Variants in YARS1 observed in about 807,000 individuals in gnomAD.
YARS1 encodes the protein tyrosine--tRNA ligase, cytoplasmic.
In YARS1, 36 loss-of-function variants were observed where a neutral mutation model predicts 62.2. The ratio of observed to expected loss-of-function variants is 0.58; its 90% CI spans 0.44 to 0.76. The LOEUF (loss-of-function observed/expected upper bound fraction) is 0.76. YARS1 is among the 30% of genes least tolerant of loss of function. The probability of loss-of-function intolerance (pLI) is 0.00; values close to 1 mark genes in which losing one functional copy is unlikely to be tolerated. For synonymous variants in YARS1, 234 were observed against 244.9 expected, an observed-to-expected ratio of 0.96 and a Z score of 0.42; for missense variants, 524 against 639.8, an observed-to-expected ratio of 0.82 and a Z score of 1.95.
At position 32,782,742 on chromosome 1, in the gene YARS1, A is replaced by G. The variant is rs1569713462; in HGVS notation, c.907-203T>C. 6.1e-6 allele frequency: 4 copies of G among 652,168 alleles called. No homozygotes were observed. The East Asian group carries it at 1.1e-4, about 18-fold the overall frequency. 40.4% of individuals were successfully genotyped at this position (652,168 alleles called of 1,614,324 possible). On this transcript the variant is annotated intron_variant, in intron 8 of 12. Coordinates refer to ENST00000373477, the MANE Select transcript of YARS1 (RefSeq NM_003680.4). ...TCCAAGTCTTTTGATTCTGAAATCT[A>G]TACTAACTTGAGGGTGTTTAGGAGC...
chr1:32,802,169 G>A (rs768833452), intron 4 of YARS1, among the ~76,000 whole-genome samples: 33 of 151,800 alleles, frequency 2.2e-4, no homozygotes, highest in Non-Finnish European at 3.4e-4. Flanking sequence ...GGATGGTCTC[G>A]ATCTCCTGAC....
At chr1:32,810,071 A>G (rs567310552) in intron 3 of YARS1, among the ~76,000 whole-genome samples, 71 of 149,480 alleles carry the variant, frequency 4.7e-4, no homozygotes, top group African/African-American at 1.6e-3. Context: ...GCGCCATTGC[A>G]CTCCAGCCTG....
At chr1:32,806,751 A>G (rs1638475407) in intron 3 of YARS1, 140 bp from the exon 4 acceptor site, 6 of 1,181,944 alleles carry the variant, frequency 5.1e-6, no homozygotes, top group Non-Finnish European at 7.2e-6. Flanking sequence ...TTTAATCACC[A>G]ACTTTCTTCT....
chr1:32,784,107 C>T (rs571675077), intron 8 of YARS1, among the ~76,000 whole-genome samples: 6 of 151,714 alleles, frequency 4.0e-5, no homozygotes, highest in South Asian at 2.1e-4. Context: ...TGGGCTCAAG[C>T]GATCCTCCCA....
intron 11 of YARS1, 28 bp from the exon 12 acceptor site, chr1:32,779,551 T>G (rs1437166028): frequency 6.2e-7 from 1 of 1,613,754 alleles, no homozygotes; most frequent in Admixed American, 1.7e-5. Context: ...AAGAGAAGAG[T>G]GAGGCTATGG....
rs1653098192 is a variant in YARS1 at position 32,782,631 on chromosome 1, C to T, written c.907-92G>A. The T allele has an allele frequency of 1.8e-5, 28 of 1,547,518 alleles. No homozygotes were observed. The South Asian group carries it at 3.2e-4, about 18-fold the overall frequency. On this transcript the variant is annotated intron_variant, in intron 8 of 12. Transcript: ENST00000373477. The stretch of plus-strand genomic sequence containing the variant: ...AAAGTAGGATCAAGGGAGTTTTTCC[C>T]AACAGTCTTATTTGATCCTTGTGAT...
chr1:32,786,418 C>G lies in YARS1; in HGVS notation c.850G>C (p.Gly284Arg), dbSNP rs1241802045. 1 of 1,613,968 alleles carries G rather than the reference C, an allele frequency of 6.2e-7. No individual in the cohort carries two copies. The highest frequency in any genetic ancestry group is 1.1e-5 in the South Asian group (1 of 91,042). The stretch of plus-strand genomic sequence containing the variant: ...TAAGCTGTGTAGGTTTTGTTTCCAC[C>G]CCATTTCTCATCTCGTAGGATCACA... ...EFVILRDEKW[G>R]GNKTYTAYVD... Residue 284 changes from glycine (G) to arginine (R), a missense_variant, in exon 8 of 13, where the codon GGT becomes CGT. Gly to Arg is a moderately radical substitution (Grantham distance 125, BLOSUM62 -2). Coordinates refer to ENST00000373477, the MANE Select transcript of YARS1 (RefSeq NM_003680.4).
chr1:32,778,412 TTTCA>T (rs1652937691), intron 12 of YARS1, among the ~76,000 whole-genome samples: 1 of 104,366 alleles, frequency 9.6e-6, no homozygotes, highest in South Asian at 3.2e-4. Context: ...TCTTTCTTTC[TTTCA>T]TTTTTTTTTT....
chr1:32,786,284 C>T, intron 8 of YARS1, 78 bp downstream of exon 8: 1 of 1,419,952 alleles, frequency 7.0e-7, no homozygotes, highest in Non-Finnish European at 9.8e-7. Flanking sequence ...ACAAGTTGTT[C>T]TAAACAAGTT....
chr1:32,779,305 T>C (rs1569704556), intron 12 of YARS1, 77 bp downstream of exon 12: 1 of 1,611,674 alleles, frequency 6.2e-7, no homozygotes, highest in Non-Finnish European at 8.5e-7. Flanking sequence ...GGGGCAGCTA[T>C]GGCTTCAGTA....
intron 4 of YARS1, among the ~76,000 whole-genome samples, chr1:32,798,575 G>A (rs976215091): frequency 2.0e-5 from 3 of 152,164 alleles, no homozygotes; most frequent in Non-Finnish European, 2.9e-5. Context: ...GATGGCTCAC[G>A]CCTGTAATCC....
At chr1:32,810,396 C>T (rs1278489224) in intron 3 of YARS1, among the ~76,000 whole-genome samples, 195 bp downstream of exon 3, 1 of 152,126 alleles carries the variant, frequency 6.6e-6, no homozygotes, top group Non-Finnish European at 1.5e-5. Context: ...AGTATTAAGG[C>T]ATTTACTAGT....
chr1:32,789,230 TA>T (rs1653334788), intron 6 of YARS1, among the ~76,000 whole-genome samples: 1 of 152,238 alleles, frequency 6.6e-6, no homozygotes, highest in African/African-American at 2.4e-5. Context: ...AAATTATATA[TA>T]ATGCTACATT....
Position 32,817,311 on chromosome 1 carries a change from G to A in YARS1, c.-67C>T. ...AGCCCCTTCCTGGGTCACCGTCGCC[G>A]CCGCGTGCCGGGAACTGTCACGCGA... On this transcript the variant is annotated 5_prime_UTR_variant, in exon 1 of 13. Transcript: ENST00000373477. 2 of 1,593,530 alleles carry A rather than the reference G, an allele frequency of 1.3e-6. No homozygotes were observed. Among genetic ancestry groups the A allele is most frequent in the Non-Finnish European group, 8.6e-7 (1 of 1,165,438 alleles).
chr1:32,802,978 A>ACTTTTTTTTTTTTTTT (rs1374994869), intron 4 of YARS1, among the ~76,000 whole-genome samples: 1 of 89,412 alleles, frequency 1.1e-5, no homozygotes, highest in Non-Finnish European at 2.3e-5. Flanking sequence ...ACGCCTGGCT[A>ACTTTTTTTTTTTTTTT]TTTTTTTTTT....
intron 4 of YARS1, among the ~76,000 whole-genome samples, chr1:32,803,873 CAGAGG>C (rs552672211): frequency 6.2e-4 from 94 of 152,174 alleles, no homozygotes; most frequent in Non-Finnish European, 8.2e-4. Flanking sequence ...TTTTCCTAGG[CAGAGG>C]ACCCTGCGGC....
In YARS1 at chr1:32,780,086, T is replaced by A; in HGVS notation, c.1333A>T (p.Ile445Leu). 6.2e-7 allele frequency: 1 copy of A among 1,614,114 alleles called. No homozygotes were observed. Among genetic ancestry groups the A allele is most frequent in the Non-Finnish European group, 8.5e-7 (1 of 1,180,014 alleles). The change falls in exon 11 of 13, where the codon ATA (isoleucine) becomes TTA (leucine). Residue 445 changes from isoleucine (I) to leucine (L), a missense_variant and splice_region_variant. By Grantham distance (5) the Ile-to-Leu change is conservative. Coordinates refer to ENST00000373477, the MANE Select transcript of YARS1 (RefSeq NM_003680.4). The part of the protein sequence containing the change: ...ESQGMLLCAS[I>L]EGINRQVEPL... ...GCCCCACTCCAAGTCCTCACTCACA[T>A]AGAAGCACACAGAAGCATGCCTTGG...
rs1638317332 is a variant in YARS1 at position 32,802,111 on chromosome 1, C to T, written c.511-4268G>A. Among the ~76,000 whole-genome samples the T allele has an allele frequency of 3.3e-5, 5 of 151,914 alleles. No homozygotes were observed. The South Asian group carries it at 1.0e-3, about 32-fold the overall frequency. ...TACAGGCGCCCGCCACTACGCCCGG[C>T]TAATTTTTTGTATTTTTAGTAGAGA... On this transcript the variant is annotated intron_variant, in intron 4 of 12. Coordinates refer to ENST00000373477, the MANE Select transcript of YARS1 (RefSeq NM_003680.4).
chr1:32,812,840 C>T (rs557233216), intron 1 of YARS1, among the ~76,000 whole-genome samples: 3 of 152,030 alleles, frequency 2.0e-5, no homozygotes, highest in East Asian at 1.9e-4. Context: ...TGGTGGCAGG[C>T]GCCTGTAATC....
Sources: gnomAD v4.1 joint callset for allele counts (sites outside exome capture counted in the v4.1 genomes callset) on GRCh38, gnomAD v4.1.1 for gene constraint, MANE v1.5 for transcripts, NCBI Gene and HGNC (gene_info 2026-07-23, HGNC 2026-07-21) for gene names.